Variants in SLC10A7 observed in about 807,000 individuals in gnomAD.
SLC10A7 encodes the protein solute carrier family 10 member 7, also known as sodium/bile acid cotransporter 7.
In SLC10A7, 29 loss-of-function variants were observed where a neutral mutation model predicts 43.2. The observed-to-expected ratio is 0.67, with a 90% confidence interval of 0.50 to 0.92. The LOEUF is 0.92. SLC10A7 is among the 40% of genes least tolerant of loss of function. SLC10A7 has a pLI of 0.00. For missense variants in SLC10A7, 295 were observed against 403.2 expected (o/e 0.73, Z 2.30); for synonymous variants, 152 against 144.8 (o/e 1.05, Z -0.35).
At chr4:146,482,583 G>GA (rs60347451) in intron 4 of SLC10A7, among the ~76,000 whole-genome samples, 114,441 of 147,914 alleles carry the variant, frequency 0.77, 44,486 homozygotes, top group East Asian at 0.96. Flanking sequence ...GAAAAAATAA[G>GA]AAAAAAAAAA....
At chr4:146,479,163 T>C (rs1363127529) in intron 4 of SLC10A7, among the ~76,000 whole-genome samples, 3 of 152,194 alleles carry the variant, frequency 2.0e-5, no homozygotes, top group African/African-American at 7.2e-5. Flanking sequence ...GATATTTATA[T>C]TGTTTTACAG....
chr4:146,351,672 C>A (rs1398652469), intron 5 of SLC10A7, among the ~76,000 whole-genome samples: 1 of 151,794 alleles, frequency 6.6e-6, no homozygotes, highest in African/African-American at 2.4e-5. Context: ...GCCCATCAGA[C>A]TAACAGCGGA....
chr4:146,307,097 T>C (rs537299257), intron 6 of SLC10A7, among the ~76,000 whole-genome samples: 1 of 152,298 alleles, frequency 6.6e-6, no homozygotes, highest in South Asian at 2.1e-4. Context: ...ACGGGAACAG[T>C]GTTTTCACTG....
rs1729661189 is a variant in SLC10A7 at position 146,283,237 on chromosome 4, T to C, written c.802A>G (p.Thr268Ala). Reference sequence around the variant, plus strand: ...GTAGAACAGAAAATGATAGCCACTGTGTCTGCTGGTGTGAAACCCGAATTA... The same window carrying C: ...GTAGAACAGAAAATGATAGCCACTGCGTCTGCTGGTGTGAAACCCGAATTA... ...RNNSGFTPAD[T>A]VAIIFCSTHK... Residue 268 changes from threonine (T) to alanine (A), a missense_variant, in exon 10 of 12, where the codon ACA (threonine) becomes GCA (alanine). Thr to Ala is a moderately conservative substitution (Grantham distance 58, BLOSUM62 0). Around this residue, in one of 2 missense-constraint regions of SLC10A7, gnomAD observed 242 missense variants for 362.5 expected, o/e 0.67. Coordinates refer to ENST00000335472, the MANE Select transcript of SLC10A7 (RefSeq NM_001029998.6). 6.2e-7 allele frequency: 1 copy of C among 1,613,546 alleles called. No individual in the cohort carries two copies. The highest frequency in any genetic ancestry group is 8.5e-7 in the Non-Finnish European group (1 of 1,179,618).
intron 5 of SLC10A7, among the ~76,000 whole-genome samples, chr4:146,434,455 C>T (rs1447934743): frequency 6.6e-6 from 1 of 152,182 alleles, no homozygotes; most frequent in Non-Finnish European, 1.5e-5. Context: ...TTGGTAGATA[C>T]AAACCTTATG....
At chr4:146,261,457 C>T (rs1055069685) in intron 10 of SLC10A7, among the ~76,000 whole-genome samples, 1 of 152,216 alleles carries the variant, frequency 6.6e-6, no homozygotes, top group Admixed American at 6.5e-5. Flanking sequence ...ATTTATTTGT[C>T]TTGTTCCCTC....
At chr4:146,408,529 A>C (rs989789366) in intron 5 of SLC10A7, 7 of 152,114 alleles carry the variant, frequency 4.6e-5, no homozygotes, top group African/African-American at 1.5e-4. Flanking sequence ...AAAACAAAAC[A>C]AAAAAAATAC....
At chr4:146,499,161 G>T (rs952341476) in intron 4 of SLC10A7, among the ~76,000 whole-genome samples, 6 of 151,982 alleles carry the variant, frequency 3.9e-5, no homozygotes, top group Non-Finnish European at 8.8e-5. Context: ...TGTGAAAAAG[G>T]TGATAACACA....
intron 4 of SLC10A7, among the ~76,000 whole-genome samples, chr4:146,458,220 A>T (rs1009456365): frequency 6.6e-6 from 1 of 151,810 alleles, no homozygotes; most frequent in African/African-American, 2.4e-5. Flanking sequence ...ATGAAAAAAG[A>T]AAAAAACATA....
chr4:146,433,572 T>A (rs974587542), intron 5 of SLC10A7, among the ~76,000 whole-genome samples: 17 of 152,178 alleles, frequency 1.1e-4, no homozygotes, highest in Admixed American at 9.2e-4. Flanking sequence ...TCTTGTAAGA[T>A]GATAAATTGA....
At chr4:146,400,080 G>A (rs549344082) in intron 5 of SLC10A7, among the ~76,000 whole-genome samples, 1 of 152,258 alleles carries the variant, frequency 6.6e-6, no homozygotes, top group Middle Eastern at 3.4e-3. Context: ...GAATTGAGAA[G>A]GGGAGCAGTC....
At chr4:146,429,210 T>G (rs998804642) in intron 5 of SLC10A7, among the ~76,000 whole-genome samples, 1 of 152,164 alleles carries the variant, frequency 6.6e-6, no homozygotes, top group Non-Finnish European at 1.5e-5. Context: ...AAGAAAAATT[T>G]GGTAGACAGA....
At chr4:146,330,823 T>C (rs898081656) in intron 5 of SLC10A7, among the ~76,000 whole-genome samples, 1 of 152,080 alleles carries the variant, frequency 6.6e-6, no homozygotes, top group Non-Finnish European at 1.5e-5. Context: ...GAAGACACCC[T>C]TGCTCTTCAG....
intron 5 of SLC10A7, among the ~76,000 whole-genome samples, chr4:146,338,901 T>C (rs1734069591): frequency 6.6e-6 from 1 of 151,966 alleles, no homozygotes; most frequent in African/African-American, 2.4e-5. Context: ...AATCTTGAAA[T>C]AGGCACTTTC....
chr4:146,413,052 C>T (rs1315538437), intron 5 of SLC10A7, among the ~76,000 whole-genome samples: 1 of 151,964 alleles, frequency 6.6e-6, no homozygotes, highest in East Asian at 1.9e-4. Context: ...AAAGGACTTC[C>T]TAAACTTCTC....
At chr4:146,482,060 C>T (rs1734520375) in intron 4 of SLC10A7, among the ~76,000 whole-genome samples, 1 of 152,128 alleles carries the variant, frequency 6.6e-6, no homozygotes, top group Admixed American at 6.5e-5. Context: ...AATACAAAAC[C>T]AGAGCCACTA....
intron 4 of SLC10A7, among the ~76,000 whole-genome samples, chr4:146,484,704 A>AT (rs1298127771): frequency 2.0e-5 from 3 of 152,268 alleles, no homozygotes; most frequent in East Asian, 1.9e-4. Context: ...GTAAGTATTG[A>AT]TTTTTTTAAA....
intron 5 of SLC10A7, among the ~76,000 whole-genome samples, chr4:146,436,566 T>A (rs1373941842): frequency 2.6e-5 from 4 of 152,086 alleles, no homozygotes; most frequent in African/African-American, 9.7e-5. Flanking sequence ...ACTTCTTTGA[T>A]GGCGTGATTG....
At chr4:146,307,193 G>A (rs1667761973) in intron 6 of SLC10A7, among the ~76,000 whole-genome samples, 1 of 152,034 alleles carries the variant, frequency 6.6e-6, no homozygotes, top group South Asian at 2.1e-4. Context: ...GCCCCAATCT[G>A]CATACACTCA....
Sources: gnomAD v4.1 joint callset for allele counts (sites outside exome capture counted in the v4.1 genomes callset) on GRCh38, gnomAD v4.1.1 for gene constraint, gnomAD v4.1.1 regional missense constraint, MANE v1.5 for transcripts, NCBI Gene and HGNC (gene_info 2026-07-23, HGNC 2026-07-21) for gene names.